Variants in DBF4 observed in about 807,000 individuals in gnomAD.
DBF4 encodes the protein DBF4-CDC7 kinase regulatory subunit.
Under a neutral mutation model 76.6 loss-of-function variants are expected in DBF4, and 25 were observed. The observed-to-expected ratio is 0.33, with a 90% CI of 0.24 to 0.46. The LOEUF is 0.46. DBF4 is among the 20% of genes least tolerant of loss of function. The pLI, the probability that DBF4 is intolerant of heterozygous loss-of-function variation, is 1.00. For missense variants in DBF4, 638 were observed against 760.8 expected (o/e 0.84, Z 1.90); for synonymous variants, 213 against 258.0 (o/e 0.83, Z 1.67).
chr7:87,904,918 A>T (rs1300607158), intron 11 of DBF4, among the ~76,000 whole-genome samples: 1 of 152,108 alleles, frequency 6.6e-6, no homozygotes, highest in Non-Finnish European at 1.5e-5. Context: ...CATTCTTTTT[A>T]AATTTTCTTT....
Position 87,904,342 on chromosome 7 carries a change from AGTT to A in DBF4, c.980_982del (p.Val327del). On this transcript the variant is annotated inframe_deletion, in exon 11 of 12. Coordinates refer to ENST00000265728, the MANE Select transcript of DBF4 (RefSeq NM_006716.4). ...ACTTTGCACAGAGTAACCAGTATCA[AGTT>A]GTTGATGATATTGTATCTAAGTTAG... 1 of 1,613,948 alleles carries A rather than the reference AGTT, an allele frequency of 6.2e-7. No individual in the cohort carries two copies. The highest frequency in any genetic ancestry group is 2.2e-5 in the East Asian group (1 of 44,844).
chr7:87,879,112 G>C (rs1257840845), intron 2 of DBF4, among the ~76,000 whole-genome samples: 1 of 152,012 alleles, frequency 6.6e-6, no homozygotes, highest in East Asian at 1.9e-4. Context: ...CCACTCCTGG[G>C]TAATTTTTGT....
Position 87,887,458 on chromosome 7 carries a change from T to C in DBF4, c.520+60T>C, listed in dbSNP as rs1022899574. 6.1e-6 allele frequency: 9 copies of C among 1,485,644 alleles called. No homozygotes were observed. In the African/African-American group the frequency reaches 9.9e-5, roughly 16 times the overall value. 92.0% of individuals were successfully genotyped at this position (1,485,644 alleles called of 1,614,324 possible). A position where few individuals can be genotyped will look rare whatever the true frequency, so the allele number is the denominator to read the frequency against. On this transcript the variant is annotated intron_variant, in intron 5 of 11. Transcript: ENST00000265728. Reference sequence around the variant, plus strand: ...GTTTTAAGTGTCCATGTCTGTCCTTTGGTTCCTGACTTTACATAGTGAAAT... The same window carrying C: ...GTTTTAAGTGTCCATGTCTGTCCTTCGGTTCCTGACTTTACATAGTGAAAT...
chr7:87,887,913 CA>C (rs1288002549), intron 5 of DBF4, 69 bp from the exon 6 acceptor site: 1 of 1,364,772 alleles, frequency 7.3e-7, no homozygotes. Context: ...AATTTAACTA[CA>C]AGAAAATATC....
chr7:87,880,496 T>C (rs1191132751), intron 2 of DBF4, among the ~76,000 whole-genome samples: 3 of 152,220 alleles, frequency 2.0e-5, no homozygotes, highest in African/African-American at 7.2e-5. Flanking sequence ...CTTCCCATAC[T>C]ATCTTTTCTA....
In DBF4 at chr7:87,908,602, C is replaced by A. The variant is rs1411784404; in HGVS notation, c.*439C>A. ...AAAAATACATTTCTATGCTTGAATTCTGGAAATCATCAGAAATATTGACAC... is the reference window on the plus strand; with the variant it reads ...AAAAATACATTTCTATGCTTGAATTATGGAAATCATCAGAAATATTGACAC... On this transcript the variant is annotated 3_prime_UTR_variant, in exon 12 of 12. Transcript: ENST00000265728. The A allele has an allele frequency of 6.5e-6, 1 of 154,048 alleles. No homozygotes were observed. Among genetic ancestry groups the A allele is most frequent in the African/African-American group, 2.4e-5 (1 of 41,440 alleles). 9.5% of individuals were successfully genotyped at this position (154,048 alleles called of 1,614,324 possible).
intron 6 of DBF4, among the ~76,000 whole-genome samples, chr7:87,890,071 C>T (rs1422424905): frequency 6.6e-6 from 1 of 152,144 alleles, no homozygotes; most frequent in African/African-American, 2.4e-5. Flanking sequence ...CAAATTATGT[C>T]TGTCTTCATG....
chr7:87,900,129 C>A, intron 8 of DBF4, 92 bp from the exon 9 acceptor site: 1 of 1,067,570 alleles, frequency 9.4e-7, no homozygotes, highest in Non-Finnish European at 1.3e-6. Context: ...TTTCAGATTC[C>A]AGCTTAATTA....
chr7:87,904,259 AT>A (rs758571452), intron 10 of DBF4, 32 bp from the exon 11 acceptor site: 4 of 1,568,448 alleles, frequency 2.6e-6, no homozygotes, highest in African/African-American at 1.4e-5. Flanking sequence ...TTTAAATACA[AT>A]TTTTTGATAC....
chr7:87,896,542 G>C, intron 7 of DBF4, 32 bp downstream of exon 7: 1 of 1,590,468 alleles, frequency 6.3e-7, no homozygotes, highest in East Asian at 2.2e-5. Flanking sequence ...AGTGTATTTG[G>C]TTTGCATTTG....
intron 3 of DBF4, among the ~76,000 whole-genome samples, chr7:87,886,402 G>A (rs1384716093): frequency 2.0e-5 from 3 of 151,830 alleles, no homozygotes; most frequent in Non-Finnish European, 2.9e-5. Context: ...GGGCATGATG[G>A]TGCGTGCCTG....
At chr7:87,879,969 G>T (rs552365765) in intron 2 of DBF4, among the ~76,000 whole-genome samples, 74 of 149,520 alleles carry the variant, frequency 4.9e-4, no homozygotes, top group African/African-American at 1.8e-3. Context: ...AAAAAAAAAG[G>T]TAGCTCAAAG....
At chr7:87,906,035 G>C (rs1345681629) in intron 11 of DBF4, among the ~76,000 whole-genome samples, 1 of 151,878 alleles carries the variant, frequency 6.6e-6, no homozygotes, top group East Asian at 1.9e-4. Flanking sequence ...GCACATGCCT[G>C]TAGTCCCAAC....
In DBF4 at chr7:87,897,469, T is replaced by C. The variant is rs577574555; in HGVS notation, c.680+130T>C. On this transcript the variant is annotated intron_variant, in intron 8 of 11. Transcript: ENST00000265728. ...TTGATTTATATTATACTAATGTGCA[T>C]GCGGCACAAGTTAACGAAAGTAGCA... 1.2e-4 allele frequency: 93 copies of C among 744,146 alleles called. No individual in the cohort carries two copies. In the Middle Eastern group the frequency reaches 7.5e-3, roughly 60 times the overall value. 46.1% of individuals were successfully genotyped at this position (744,146 alleles called of 1,614,324 possible). A position where few individuals can be genotyped will look rare whatever the true frequency, so the allele number is the denominator to read the frequency against.
intron 2 of DBF4, among the ~76,000 whole-genome samples, chr7:87,882,653 C>A (rs1001650175): frequency 1.3e-5 from 2 of 152,012 alleles, no homozygotes; most frequent in African/African-American, 4.8e-5. Flanking sequence ...TAAAAATGGG[C>A]AGAGGAACTG....
intron 3 of DBF4, among the ~76,000 whole-genome samples, chr7:87,886,004 T>A (rs935729932): frequency 6.6e-6 from 1 of 152,122 alleles, no homozygotes; most frequent in African/African-American, 2.4e-5. Flanking sequence ...TTACCTATTA[T>A]AGCCATTTGA....
chr7:87,885,675 T>C (rs1839328802), intron 3 of DBF4, among the ~76,000 whole-genome samples: 1 of 151,402 alleles, frequency 6.6e-6, no homozygotes, highest in Admixed American at 6.6e-5. Context: ...CAGCCATACC[T>C]GTTTGTTTAG....
intron 11 of DBF4, among the ~76,000 whole-genome samples, chr7:87,905,900 A>G (rs758604230): frequency 1.4e-4 from 21 of 152,006 alleles, no homozygotes; most frequent in Non-Finnish European, 2.6e-4. Context: ...GGTGTCTCAC[A>G]CCTGTGGTCC....
intron 2 of DBF4, among the ~76,000 whole-genome samples, chr7:87,884,478 T>G (rs1420915759): frequency 6.6e-6 from 1 of 152,244 alleles, no homozygotes; most frequent in Non-Finnish European, 1.5e-5. Context: ...ATGCCTATGT[T>G]CAAATTATAT....
Sources: gnomAD v4.1 joint callset for allele counts (sites outside exome capture counted in the v4.1 genomes callset) on GRCh38, gnomAD v4.1.1 for gene constraint, MANE v1.5 for transcripts, NCBI Gene and HGNC (gene_info 2026-07-23, HGNC 2026-07-21) for gene names.